Variants in MADD observed in about 807,000 individuals in gnomAD.
MADD encodes the protein MAP kinase activating death domain.
MADD carries 109 observed loss-of-function variants against 176.7 expected under a neutral mutation model. The observed-to-expected ratio is 0.62, with a 90% CI of 0.53 to 0.72. The LOEUF is 0.72. MADD is among the 30% of genes least tolerant of loss of function. The pLI is 0.00. For synonymous variants in MADD, 771 were observed against 771.3 expected (o/e 1.00, Z 0.01); for missense variants, 1,914 against 2,045.5 (o/e 0.94, Z 1.24).
At chr11:47,278,640 G>A (rs1361825933) in intron 6 of MADD, among the ~76,000 whole-genome samples, 1 of 151,972 alleles carries the variant, frequency 6.6e-6, no homozygotes, top group Non-Finnish European at 1.5e-5. Context: ...TTCAGTGCAG[G>A]CTTAATTAAT....
chr11:47,290,401 G>T lies in MADD; in HGVS notation c.3094+102G>T. On this transcript the variant is annotated intron_variant, in intron 18 of 32. Coordinates refer to ENST00000402192, the Ensembl canonical transcript of MADD. ...CCCAGGACACGTTTCCCAGTGCCAC[G>T]CTGCTTCCCATTAGGCTTTGGGATT... 3.4e-6 allele frequency: 5 copies of T among 1,452,130 alleles called. No homozygotes were observed. In the South Asian group the frequency reaches 5.4e-5, roughly 16 times the overall value. The allele number at this position is 1,452,130 out of a possible 1,614,324, so 90.0% of individuals were successfully genotyped here. A position where few individuals can be genotyped will look rare whatever the true frequency, so the allele number is the denominator to read the frequency against.
At chr11:47,293,927 G>A (rs1253950994) in exon 20 of MADD, 1 of 1,614,182 alleles carries the variant, frequency 6.2e-7, no homozygotes, top group Admixed American at 1.7e-5. Flanking sequence ...TGAGACAGAG[G>A]AGAAAAAGTC....
At chr11:47,276,109 C>T (rs1478193149) in exon 4 of MADD, 1 of 1,614,248 alleles carries the variant, frequency 6.2e-7, no homozygotes, top group African/African-American at 1.3e-5. Flanking sequence ...CATCTCGATT[C>T]ACCCTAGTGG....
At chr11:47,270,368 T>G (rs1591346703) in intron 1 of MADD, 122 bp downstream of exon 1, 4 of 92,030 alleles carry the variant, frequency 4.3e-5, no homozygotes, top group Non-Finnish European at 4.6e-5. Context: ...CCTGGGGGAG[T>G]GTGAAGGGGC....
At chr11:47,290,735 C>G (rs774147824) in exon 19 of MADD, 1 of 1,614,098 alleles carries the variant, frequency 6.2e-7, no homozygotes, top group Non-Finnish European at 8.5e-7. Context: ...ACTGGGACCT[C>G]GGGCACCAAG....
intron 21 of MADD, 47 bp downstream of exon 23, chr11:47,295,626 C>G (rs753444161): frequency 1.2e-6 from 2 of 1,612,446 alleles, no homozygotes; most frequent in Non-Finnish European, 1.7e-6. Flanking sequence ...GTGTGGATTT[C>G]CCCTTTGGAA....
At position 47,306,806 on chromosome 11, in the gene MADD, G is replaced by T. The variant is rs539584794; in HGVS notation, c.3643-1785G>T. Among the ~76,000 whole-genome samples, 16 of 152,178 alleles carry T rather than the reference G, an allele frequency of 1.1e-4. 1 individual carries two copies. Among genetic ancestry groups the T allele is most frequent in the African/African-American group, 3.9e-4 (16 of 41,534 alleles). ...TTACTCTACCTCTCTTTGTGAGGGG[G>T]ATGTGCTTTAGGGGCTGCTCGGCCA... On this transcript the variant is annotated intron_variant, in intron 22 of 32. Transcript: ENST00000402192.
chr11:47,280,041 G>C (rs1027628607), intron 7 of MADD, among the ~76,000 whole-genome samples: 1 of 152,162 alleles, frequency 6.6e-6, no homozygotes, highest in South Asian at 2.1e-4. Context: ...TTGCACTCCT[G>C]CCTGGGCCAC....
chr11:47,301,410 G>A (rs929586376), intron 22 of MADD, among the ~76,000 whole-genome samples: 15 of 152,032 alleles, frequency 9.9e-5, no homozygotes, highest in African/African-American at 2.2e-4. Context: ...GAGCCACCAC[G>A]CCCGGCCTAT....
Position 47,285,550 on chromosome 11 carries a change from C to T in MADD, c.2511C>T (p.Asn837=), listed in dbSNP as rs1449191056. 3.1e-6 allele frequency: 5 copies of T among 1,614,082 alleles called. No homozygotes were observed. The African/African-American group carries it at 5.3e-5, about 17-fold the overall frequency. Residue 837 remains asparagine, a synonymous_variant, in exon 14 of 33, where the codon AAC becomes AAT. Coordinates refer to ENST00000402192, the Ensembl canonical transcript of MADD. Reference sequence around the variant, plus strand: ...GCTCTCCCAACTCCACCGTCTCCAACACCAGCACCGAGGGCTTCGGGGGCA... The same window carrying T: ...GCTCTCCCAACTCCACCGTCTCCAATACCAGCACCGAGGGCTTCGGGGGCA...
intron 27 of MADD, among the ~76,000 whole-genome samples, chr11:47,318,824 T>G (rs2093778170): frequency 1.2e-5 from 1 of 81,908 alleles, no homozygotes; most frequent in African/African-American, 5.5e-5. Context: ...TTTTTTTTTT[T>G]TGAGACAGAG....
At chr11:47,326,614 T>G in intron 30 of MADD, 62 bp downstream of exon 34, 1 of 1,493,920 alleles carries the variant, frequency 6.7e-7, no homozygotes, top group Non-Finnish European at 8.9e-7. Flanking sequence ...GTGTGGATTC[T>G]TCTGTCCTCT....
At chr11:47,328,035 T>G (rs1271754954) in intron 31 of MADD, 5 of 990,562 alleles carry the variant, frequency 5.0e-6, no homozygotes, top group Non-Finnish European at 4.8e-6. Context: ...CTGGGTGTGT[T>G]GCTCCAGAGC....
At chr11:47,313,130 T>C (rs1378912361) in intron 26 of MADD, among the ~76,000 whole-genome samples, 1 of 152,238 alleles carries the variant, frequency 6.6e-6, no homozygotes, top group African/African-American at 2.4e-5. Context: ...GATTCAGCTT[T>C]TAAGTGAAAA....
intron 2 of MADD, 112 bp downstream of exon 2, chr11:47,274,088 ATT>A: frequency 9.7e-7 from 1 of 1,033,068 alleles, no homozygotes; most frequent in African/African-American, 1.6e-5. Context: ...TTCTCCTGTT[ATT>A]TTACCCTGAT....
chr11:47,329,083 C>T lies in MADD; in HGVS notation c.4697C>T (p.Ser1566Leu), dbSNP rs2095794537. The T allele has an allele frequency of 6.2e-7, 1 of 1,614,192 alleles. No homozygotes were observed. The change falls in exon 33 of 33, where the codon TCG becomes TTG. Residue 1566 changes from serine to leucine, a missense_variant. Physicochemically the swap from Ser to Leu is moderately radical, Grantham distance 145. This residue lies in a region of MADD where 147 missense variants were observed against 209.5 expected (regional missense o/e 0.70). Coordinates refer to ENST00000402192, the Ensembl canonical transcript of MADD. ...TGCTACTCCGTATTATGTCTCTTCT[C>T]GTACGTGGCTGCAGTTCATAGCAGT...
In MADD at chr11:47,282,991, A is replaced by G. The variant is rs1395200285; in HGVS notation, c.1862+22A>G. ...ATAGGTGAGCATCCTTAGGGCAGCA[A>G]AAAGGTTTTAAAGGTGAGGAGGCTC... is the stretch of plus-strand genomic sequence containing the variant. On this transcript the variant is annotated intron_variant, in intron 10 of 32. Coordinates refer to ENST00000402192, the Ensembl canonical transcript of MADD. 2.5e-6 allele frequency: 4 copies of G among 1,607,674 alleles called. No individual in the cohort carries two copies. In the Admixed American group the frequency reaches 6.7e-5, roughly 27 times the overall value.
At chr11:47,278,651 T>C (rs186631516) in intron 6 of MADD, among the ~76,000 whole-genome samples, 5 of 152,232 alleles carry the variant, frequency 3.3e-5, no homozygotes, top group African/African-American at 9.6e-5. Context: ...CTTAATTAAT[T>C]ATATGACCAT....
intron 22 of MADD, among the ~76,000 whole-genome samples, chr11:47,300,461 G>A (rs889409333): frequency 2.9e-4 from 36 of 125,102 alleles, no homozygotes; most frequent in East Asian, 1.2e-3. Flanking sequence ...CCCCCCGCCC[G>A]CCCCAAAGTG....
Sources: allele counts gnomAD v4.1 joint callset (sites outside exome capture counted in the v4.1 genomes callset), GRCh38; gene constraint gnomAD v4.1.1; regional missense constraint gnomAD v4.1.1; transcripts MANE v1.5; gene names NCBI Gene and HGNC (gene_info 2026-07-23, HGNC 2026-07-21).